GRHL1: variants seen among roughly 807,000 people sequenced by gnomAD.
GRHL1 encodes grainyhead like transcription factor 1.
Under a neutral mutation model 75.7 loss-of-function variants are expected in GRHL1, and 38 were observed. The ratio of observed to expected loss-of-function variants is 0.50; its 90% CI spans 0.39 to 0.66. The LOEUF (loss-of-function observed/expected upper bound fraction) is 0.66, where lower values mean the gene tolerates loss of function less well. Ranked by LOEUF, GRHL1 falls within the 30% of genes least tolerant of loss-of-function variation. The pLI is 0.00. For synonymous variants in GRHL1, 266 were observed against 279.4 expected, an observed-to-expected ratio of 0.95 and a Z score of 0.48; for missense variants, 589 against 767.5, an observed-to-expected ratio of 0.77 and a Z score of 2.75.
intron 10 of GRHL1, among the ~76,000 whole-genome samples, chr2:9,991,391 C>T (rs144421696): frequency 2.6e-5 from 4 of 152,174 alleles, no homozygotes; most frequent in Admixed American, 2.0e-4. Flanking sequence ...TGCCCTGCAA[C>T]ACCTTAGTCA....
intron 8 of GRHL1, among the ~76,000 whole-genome samples, chr2:9,982,742 A>G (rs1668253959): frequency 6.6e-6 from 1 of 152,220 alleles, no homozygotes; most frequent in Admixed American, 6.5e-5. Flanking sequence ...CTTAAGTTTT[A>G]CATAAGTAGT....
intron 8 of GRHL1, among the ~76,000 whole-genome samples, chr2:9,974,942 G>GTGGA (rs1156479241): frequency 6.6e-6 from 1 of 152,248 alleles, no homozygotes; most frequent in East Asian, 1.9e-4. Context: ...TTCCAGGGAA[G>GTGGA]TGGACTTTCA....
rs1269444214 is a variant in GRHL1, at chr2:9,996,330, C to T, written c.1606C>T (p.Arg536Ter). ...GGATTGATTAGTGCTGCTCTACGTT[C>T]GAAAGGAGTCAGAAGAAGTCTTTGA... Reference protein sequence around the residue: ...EEPKRVLLYVRKESEEVFDAL... With the variant: ...EEPKRVLLYV Residue 536 changes from arginine (R) to a stop codon, truncating the protein, a stop_gained, in exon 14 of 16, where the codon CGA becomes TGA. Coordinates refer to ENST00000324907, the MANE Select transcript of GRHL1 (RefSeq NM_198182.3). LOFTEE classifies it high-confidence loss of function. 8.1e-6 allele frequency: 13 copies of T among 1,610,748 alleles called. No homozygotes were observed. The highest frequency in any genetic ancestry group is 1.7e-5 in the Admixed American group (1 of 59,992).
intron 8 of GRHL1, among the ~76,000 whole-genome samples, chr2:9,979,346 C>A (rs116308053): frequency 3.0e-4 from 46 of 151,456 alleles, no homozygotes; most frequent in African/African-American, 1.7e-4. Context: ...GCCATACTCC[C>A]GCCTTGGCCT....
chr2:9,996,537 C>T lies in GRHL1; in HGVS notation c.1677+136C>T, dbSNP rs570059261. 52 of 663,310 alleles carry T rather than the reference C, an allele frequency of 7.8e-5. 1 individual carries two copies. The highest frequency in any genetic ancestry group is 3.5e-4 in the South Asian group (20 of 57,176). 41.1% of individuals were successfully genotyped at this position (663,310 alleles called of 1,614,324 possible). A position where few individuals can be genotyped will look rare whatever the true frequency, so the allele number is the denominator to read the frequency against. ...ATCCCTGACACCTTTCTCGAGTCGT[C>T]GTGCGTCCCACATTTTATCCTCACC... On this transcript the variant is annotated intron_variant, in intron 14 of 15. Coordinates refer to ENST00000324907, the MANE Select transcript of GRHL1 (RefSeq NM_198182.3).
At chr2:9,963,860 G>A (rs749342531) in intron 5 of GRHL1, 26 bp from the exon 6 acceptor site, 1 of 1,573,294 alleles carries the variant, frequency 6.4e-7, no homozygotes, top group Admixed American at 1.8e-5. Flanking sequence ...TAGATTTAGA[G>A]ACCTGTGACT....
In GRHL1 at chr2:9,990,760, A is replaced by G. The variant is rs1266200393; in HGVS notation, c.1321+13A>G. On this transcript the variant is annotated intron_variant, in intron 10 of 15. Coordinates refer to ENST00000324907, the MANE Select transcript of GRHL1 (RefSeq NM_198182.3). This position sits in a 1 kb window ranked among gnomAD's most constrained non-coding sequence, Gnocchi z 4.2. ...AGCAAAAGAAAAGGCAAGTGTCCTG[A>G]CCCCAGCTCCCAGGTGAATGCCTGT... 2.5e-6 allele frequency: 4 copies of G among 1,607,596 alleles called. No individual in the cohort carries two copies. In the African/African-American group the frequency reaches 5.4e-5, roughly 22 times the overall value.
At chr2:9,969,731 G>A (rs11886114) in intron 8 of GRHL1, among the ~76,000 whole-genome samples, 30,193 of 152,038 alleles carry the variant, frequency 0.2, 3,130 homozygotes, top group African/African-American at 0.24. Flanking sequence ...ACACCTTTGA[G>A]AGAGTCAGCT....
chr2:9,956,950 CT>C (rs1467456647), intron 2 of GRHL1, among the ~76,000 whole-genome samples: 1 of 151,458 alleles, frequency 6.6e-6, no homozygotes, highest in African/African-American at 2.4e-5. Context: ...GTGGTACTTA[CT>C]TGTCAGACTT....
intron 12 of GRHL1, among the ~76,000 whole-genome samples, chr2:9,994,361 C>T (rs1290700244): frequency 6.9e-6 from 1 of 145,442 alleles, no homozygotes; most frequent in Non-Finnish European, 1.5e-5. Context: ...TTGTAGAGAT[C>T]CTGGTCTCAG....
intron 8 of GRHL1, among the ~76,000 whole-genome samples, chr2:9,984,111 G>A (rs950489480): frequency 2.0e-5 from 3 of 151,944 alleles, no homozygotes; most frequent in Admixed American, 6.5e-5. Context: ...GCTGTGAGCC[G>A]AGATTGCGCC....
At chr2:9,966,054 TC>T (rs1667479991) in intron 8 of GRHL1, 1 of 152,218 alleles carries the variant, frequency 6.6e-6, no homozygotes, top group Admixed American at 6.5e-5. Context: ...TTATTAGAGT[TC>T]CTGTATTTCT....
rs1666785315 is a variant in GRHL1 at position 9,951,848 on chromosome 2, C to G, written c.15C>G (p.Tyr5Ter). The G allele has an allele frequency of 6.6e-7, 1 of 1,507,124 alleles. No homozygotes were observed. The allele number at this position is 1,507,124 out of a possible 1,614,324, so 93.4% of individuals were successfully genotyped here. The change falls in exon 1 of 16, where the codon TAC (tyrosine) becomes TAG (stop). Residue 5 changes from tyrosine to a stop codon, truncating the protein, a stop_gained. Transcript: ENST00000324907. LOFTEE classifies it high-confidence loss of function. This position sits in a 1 kb window ranked among gnomAD's most constrained non-coding sequence, Gnocchi z 4.2. ...GAGCGGGCGCGATGACACAGGAGTA[C>G]GACAAGTGAGTGAGGCGCAGGAGTC... The part of the protein sequence containing the change: MTQE[Y>*]DNKRPVLVLQ...
chr2:9,986,715 G>A (rs1668432047), intron 9 of GRHL1, among the ~76,000 whole-genome samples: 1 of 152,058 alleles, frequency 6.6e-6, no homozygotes, highest in African/African-American at 2.4e-5. Flanking sequence ...ACCGCGCCCA[G>A]CCTTTATCAG....
In GRHL1 at chr2:9,980,118, C is replaced by T. The variant is rs141953583; in HGVS notation, c.1111-6006C>T. Among the ~76,000 whole-genome samples the T allele has an allele frequency of 5.3e-3, 802 of 151,028 alleles. 6 individuals are homozygous for T. The highest frequency in any genetic ancestry group is 8.1e-3 in the Non-Finnish European group (551 of 67,864). On this transcript the variant is annotated intron_variant, in intron 8 of 15. Transcript: ENST00000324907. ...TTCCCTATACCTGCTGTGAAATGAA[C>T]CTCTGATGGTGATCTGTGTTTTGAG...
rs547869584 is a variant in GRHL1, at chr2:10,000,490, C to T, written c.1743-103C>T. The T allele has an allele frequency of 4.6e-5, 31 of 667,058 alleles. No homozygotes were observed. In the Middle Eastern group the frequency reaches 1.0e-3, roughly 22 times the overall value. The allele number at this position is 667,058 out of a possible 1,614,324, so 41.3% of individuals were successfully genotyped here. On this transcript the variant is annotated intron_variant, in intron 15 of 15. Coordinates refer to ENST00000324907, the MANE Select transcript of GRHL1 (RefSeq NM_198182.3). ...TTAAGGAGATTTAAATAATTTGCCT[C>T]ACATGCTGCAACTAGTAAGTGGGAG...
rs3032357 is a variant in GRHL1 at position 9,985,065 on chromosome 2, CAAA to C, written c.1111-1044_1111-1042del. Reference sequence around the variant, plus strand: ...CCTGGGTGACAGAGCCAGACTGTCTCAAAAAAAAAAAAAAAAATTGCTCCTGTG... The same window carrying C: ...CCTGGGTGACAGAGCCAGACTGTCTCAAAAAAAAAAAAAATTGCTCCTGTG... On this transcript the variant is annotated intron_variant, in intron 8 of 15. Coordinates refer to ENST00000324907, the MANE Select transcript of GRHL1 (RefSeq NM_198182.3). Among the ~76,000 whole-genome samples, 1,102 of 122,564 alleles carry C rather than the reference CAAA, an allele frequency of 9.0e-3. 6 individuals carry two copies. Among genetic ancestry groups the C allele is most frequent in the African/African-American group, 0.029 (1,010 of 34,644 alleles). The allele number at this position is 122,564 out of a possible 152,430, so 80.4% of individuals were successfully genotyped here.
In GRHL1 at chr2:9,962,566, C is replaced by T. The variant is rs867407284; in HGVS notation, c.746+35C>T. The T allele has an allele frequency of 4.4e-6, 5 of 1,134,476 alleles. 1 individual carries two copies. The Middle Eastern group carries it at 5.9e-4, about 133-fold the overall frequency. 70.3% of individuals were successfully genotyped at this position (1,134,476 alleles called of 1,614,324 possible). A position where few individuals can be genotyped will look rare whatever the true frequency, so the allele number is the denominator to read the frequency against. On this transcript the variant is annotated intron_variant, in intron 5 of 15. Transcript: ENST00000324907. The stretch of plus-strand genomic sequence containing the variant: ...GTCTTTTAATTTGATTTTTAATTTG[C>T]AGCTTTTATAACTTATTCCTTTCTT...
chr2:10,000,347 T>G (rs1669213872), intron 15 of GRHL1, among the ~76,000 whole-genome samples: 1 of 152,242 alleles, frequency 6.6e-6, no homozygotes, highest in African/African-American at 2.4e-5. Context: ...GTATATTTCA[T>G]TTTCCAAATG....
Sources: allele counts gnomAD v4.1 joint callset (sites outside exome capture counted in the v4.1 genomes callset), GRCh38; gene constraint gnomAD v4.1.1; non-coding constraint Gnocchi (gnomAD v3.1); transcripts MANE v1.5; gene names NCBI Gene and HGNC (gene_info 2026-07-23, HGNC 2026-07-21).